The following CTNNA3 variants were observed in gnomAD, a reference collection of about 807,000 sequenced individuals.
CTNNA3 encodes the protein catenin alpha 3.
Under a neutral mutation model 95.7 loss-of-function variants are expected in CTNNA3, and 76 were observed. The observed-to-expected ratio is 0.79, with a 90% confidence interval of 0.66 to 0.96. The LOEUF (loss-of-function observed/expected upper bound fraction) is 0.96. Among genes scored for constraint, CTNNA3 ranks in the 40% least tolerant of loss-of-function variants. The probability of loss-of-function intolerance (pLI) is 0.00; values close to 1 mark genes in which losing one functional copy is unlikely to be tolerated. For missense variants in CTNNA3, 1,191 were observed against 1,089.8 expected (o/e 1.09, Z -1.31); for synonymous variants, 431 against 374.4 (o/e 1.15, Z -1.74).
intron 17 of CTNNA3, among the ~76,000 whole-genome samples, chr10:65,931,148 T>A (rs1309529088): frequency 6.6e-6 from 1 of 152,206 alleles, no homozygotes; most frequent in Non-Finnish European, 1.5e-5. Flanking sequence ...ACTAAATTAA[T>A]AGCTGACTTT....
intron 5 of CTNNA3, among the ~76,000 whole-genome samples, chr10:67,409,204 C>G (rs1845271535): frequency 6.6e-6 from 1 of 151,980 alleles, no homozygotes; most frequent in African/African-American, 2.4e-5. Context: ...AGAGGCAGAA[C>G]TACCATTTGA....
At chr10:66,032,092 A>G (rs748265464) in intron 15 of CTNNA3, among the ~76,000 whole-genome samples, 5 of 152,214 alleles carry the variant, frequency 3.3e-5, no homozygotes, top group Non-Finnish European at 7.3e-5. Flanking sequence ...TAAAGTAGTC[A>G]TATCTTGGAA....
intron 3 of CTNNA3, among the ~76,000 whole-genome samples, chr10:67,558,962 C>A (rs1841367147): frequency 6.6e-6 from 1 of 152,192 alleles, no homozygotes; most frequent in Admixed American, 6.5e-5. Flanking sequence ...CCCAGGCTTG[C>A]TTAGGTAAAC....
chr10:66,084,564 A>T (rs141844843), intron 14 of CTNNA3, among the ~76,000 whole-genome samples: 1 of 152,150 alleles, frequency 6.6e-6, no homozygotes, highest in African/African-American at 2.4e-5. Flanking sequence ...TGTTTTTTCT[A>T]AAGAGAATTT....
intron 7 of CTNNA3, among the ~76,000 whole-genome samples, chr10:67,038,047 G>A (rs896965642): frequency 2.0e-5 from 3 of 152,008 alleles, no homozygotes; most frequent in Non-Finnish European, 2.9e-5. Flanking sequence ...TAATATTGTT[G>A]ACTGTGTCCA....
intron 11 of CTNNA3, among the ~76,000 whole-genome samples, chr10:66,430,834 T>G (rs144982401): frequency 6.6e-6 from 1 of 152,112 alleles, no homozygotes. Context: ...ATTCAGGACA[T>G]AGGCATGGGC....
intron 12 of CTNNA3, among the ~76,000 whole-genome samples, chr10:66,334,652 G>T (rs1349395170): frequency 2.0e-5 from 3 of 151,896 alleles, no homozygotes; most frequent in Non-Finnish European, 4.4e-5. Context: ...TTTTCTCTCT[G>T]GCTGCCCTTA....
intron 7 of CTNNA3, among the ~76,000 whole-genome samples, chr10:66,940,940 A>T (rs1331488938): frequency 6.6e-6 from 1 of 152,212 alleles, no homozygotes; most frequent in Non-Finnish European, 1.5e-5. Flanking sequence ...ATCGTAGCTC[A>T]AAGTGTTGTA....
chr10:67,322,033 C>T (rs1841341390), intron 5 of CTNNA3, among the ~76,000 whole-genome samples: 2 of 152,000 alleles, frequency 1.3e-5, no homozygotes, highest in African/African-American at 4.8e-5. Flanking sequence ...TTTTCTTATA[C>T]ACTGACAAGG....
At chr10:66,521,663 T>C (rs576337289) in intron 10 of CTNNA3, among the ~76,000 whole-genome samples, 14 of 152,298 alleles carry the variant, frequency 9.2e-5, no homozygotes, top group South Asian at 6.2e-4. Flanking sequence ...GCAGATGTTA[T>C]CATTCTTTGG....
rs540509248 is a variant in CTNNA3 at position 66,839,353 on chromosome 10, C to T, written c.1048-63829G>A. Reference sequence around the variant, plus strand: ...AAATGTGACCAAAGAAAGATCATAACCTAGAAAATGAAAAACAGGATGGCA... The same window carrying T: ...AAATGTGACCAAAGAAAGATCATAATCTAGAAAATGAAAAACAGGATGGCA... On this transcript the variant is annotated intron_variant, in intron 7 of 17. Coordinates refer to ENST00000433211, the MANE Select transcript of CTNNA3 (RefSeq NM_013266.4). 5.3e-5 allele frequency among the ~76,000 whole-genome samples: 8 copies of T among 152,124 alleles called. 1 individual carries two copies. The South Asian group carries it at 1.0e-3, about 20-fold the overall frequency.
At chr10:66,276,829 T>C (rs1024650090) in intron 13 of CTNNA3, among the ~76,000 whole-genome samples, 2 of 146,856 alleles carry the variant, frequency 1.4e-5, no homozygotes, top group Non-Finnish European at 3.0e-5. Flanking sequence ...GCCTATTGTT[T>C]ATTAAGCATT....
chr10:66,749,888 A>C (rs1389663062), intron 9 of CTNNA3, among the ~76,000 whole-genome samples: 1 of 152,204 alleles, frequency 6.6e-6, no homozygotes, highest in Non-Finnish European at 1.5e-5. Context: ...TGGTATTGCC[A>C]GTATCTTGGA....
At chr10:66,252,681 T>C (rs1282756618) in intron 13 of CTNNA3, among the ~76,000 whole-genome samples, 1 of 152,126 alleles carries the variant, frequency 6.6e-6, no homozygotes, top group Non-Finnish European at 1.5e-5. Context: ...CAAGAACGAA[T>C]AAAAATTATT....
Position 65,992,959 on chromosome 10 carries a change from G to A in CTNNA3, c.2160-4162C>T, listed in dbSNP as rs1021007636. On this transcript the variant is annotated intron_variant, in intron 15 of 17. Coordinates refer to ENST00000433211, the MANE Select transcript of CTNNA3 (RefSeq NM_013266.4). ...GTGTTTTTATTTTCTTTCTTTTTCAGAAACTTGTTTGATTTCCTACTTAAT... is the reference window on the plus strand; with the variant it reads ...GTGTTTTTATTTTCTTTCTTTTTCAAAAACTTGTTTGATTTCCTACTTAAT... Among the ~76,000 whole-genome samples the A allele has an allele frequency of 8.4e-4, 128 of 152,022 alleles. 1 individual carries two copies. The highest frequency in any genetic ancestry group is 1.3e-4 in the Non-Finnish European group (9 of 67,898).
intron 2 of CTNNA3, among the ~76,000 whole-genome samples, chr10:67,615,168 T>A (rs746125279): frequency 6.6e-6 from 1 of 152,206 alleles, no homozygotes; most frequent in Non-Finnish European, 1.5e-5. Flanking sequence ...AACCATAACC[T>A]TTTTAAAAAT....
chr10:67,231,160 G>C (rs972983855), intron 5 of CTNNA3, among the ~76,000 whole-genome samples: 1 of 152,222 alleles, frequency 6.6e-6, no homozygotes, highest in African/African-American at 2.4e-5. Flanking sequence ...GCTCAAACTG[G>C]GTGGAGCCCA....
rs184874559 is a variant in CTNNA3 at position 67,327,104 on chromosome 10, T to C, written c.580-107234A>G. ...ATTAGATTCTTTTCTAGGCTGGCTA[T>C]TTTGACTGTCAGCTCCTGCATCATT... is the stretch of plus-strand genomic sequence containing the variant. On this transcript the variant is annotated intron_variant, in intron 5 of 17. Transcript: ENST00000433211. Among the ~76,000 whole-genome samples, 16 of 152,342 alleles carry C rather than the reference T, an allele frequency of 1.1e-4. No individual in the cohort carries two copies. The East Asian group carries it at 3.1e-3, about 29-fold the overall frequency.
intron 2 of CTNNA3, among the ~76,000 whole-genome samples, chr10:67,645,940 C>CAT (rs34633436): frequency 0.05 from 7,301 of 145,656 alleles, 488 homozygotes; most frequent in East Asian, 0.33. Flanking sequence ...ATATATTCTT[C>CAT]ATATATATAT....
Sources: allele counts gnomAD v4.1 joint callset (sites outside exome capture counted in the v4.1 genomes callset), GRCh38; gene constraint gnomAD v4.1.1; transcripts MANE v1.5; gene names NCBI Gene and HGNC (gene_info 2026-07-23, HGNC 2026-07-21).